The following TULP3 variants were observed in gnomAD, a reference collection of about 807,000 sequenced individuals.
TULP3 encodes tubby-related protein 3.
TULP3 carries 38 observed loss-of-function variants against 50.7 expected under a neutral mutation model. That is an observed-to-expected ratio of 0.75 (90% CI 0.58 to 0.98). The LOEUF is 0.98. Among genes scored for constraint, TULP3 ranks in the 50% least tolerant of loss-of-function variants. The pLI is 0.00. For synonymous variants in TULP3, 183 were observed against 196.6 expected (o/e 0.93, Z 0.58); for missense variants, 550 against 568.0 (o/e 0.97, Z 0.32).
At chr12:2,934,113 CA>C (rs1234790843) in intron 7 of TULP3, among the ~76,000 whole-genome samples, 1 of 151,808 alleles carries the variant, frequency 6.6e-6, no homozygotes, top group Non-Finnish European at 1.5e-5. Context: ...CCAGGCGTGG[CA>C]GTTCTCACCT....
In TULP3 at chr12:2,939,371, A is replaced by G. The variant is rs759044001; in HGVS notation, c.1256A>G (p.Asn419Ser). 15 of 1,614,114 alleles carry G rather than the reference A, an allele frequency of 9.3e-6. No homozygotes were observed. Among genetic ancestry groups the G allele is most frequent in the Admixed American group, 3.3e-5 (2 of 60,002 alleles). The change falls in exon 11 of 11, where the codon AAC (asparagine) becomes AGC (serine). Residue 419 changes from asparagine to serine, a missense_variant. Asn to Ser is a conservative substitution (Grantham distance 46, BLOSUM62 1). Transcript: ENST00000448120. The surrounding 1 kb of genome is among the most constrained non-coding windows in gnomAD (Gnocchi z 4.0). ...GATGACGTGTTCACACTGGATTACA[A>G]CTACCCACTTTGTGCAGTACAGGCC... is the stretch of plus-strand genomic sequence containing the variant. ...VADDVFTLDY[N>S]YPLCAVQAFG...
chr12:2,917,576 C>T (rs954239833), intron 2 of TULP3, among the ~76,000 whole-genome samples: 6 of 151,978 alleles, frequency 3.9e-5, no homozygotes, highest in African/African-American at 1.4e-4. Context: ...AACTCCTTTT[C>T]TATAGAAAAT....
rs757338121 is a variant in TULP3 at position 2,933,467 on chromosome 12, ACCT to A, written c.747_749del (p.Leu250del). 1.1e-5 allele frequency: 17 copies of A among 1,613,874 alleles called. No homozygotes were observed. In the South Asian group the frequency reaches 1.8e-4, roughly 17 times the overall value. On this transcript the variant is annotated inframe_deletion, in exon 7 of 11. Coordinates refer to ENST00000448120, the MANE Select transcript of TULP3 (RefSeq NM_003324.5). ...CGGAAAAAGAGCAAAACAGCCAACT[ACCT>A]TATCTCCATTGATCCAGTTGATTTA... is the stretch of plus-strand genomic sequence containing the variant.
At chr12:2,911,356 ATTT>A (rs879759940) in intron 2 of TULP3, among the ~76,000 whole-genome samples, 1 of 144,230 alleles carries the variant, frequency 6.9e-6, no homozygotes, top group African/African-American at 2.5e-5. Flanking sequence ...TAGTCAGTGA[ATTT>A]TTTTTTTTTT....
intron 1 of TULP3, among the ~76,000 whole-genome samples, chr12:2,905,039 C>G (rs1192878131): frequency 6.2e-5 from 9 of 146,124 alleles, no homozygotes; most frequent in Non-Finnish European, 1.2e-4. Context: ...GAGCTGAGAT[C>G]GTGCCACTGC....
Position 2,940,688 on chromosome 12 carries a change from C to T in TULP3, c.*1244C>T, listed in dbSNP as rs2098204275. ...CCTTCTGTGGACTGACCTCTCACCT[C>T]CGCCTGTTGTTCCTGCACCACATCA... On this transcript the variant is annotated 3_prime_UTR_variant, in exon 11 of 11. Coordinates refer to ENST00000448120, the MANE Select transcript of TULP3 (RefSeq NM_003324.5). 1 of 1,551,638 alleles carries T rather than the reference C, an allele frequency of 6.4e-7. No homozygotes were observed. The highest frequency in any genetic ancestry group is 1.4e-5 in the African/African-American group (1 of 73,182).
chr12:2,902,772 T>C (rs570825370), intron 1 of TULP3, among the ~76,000 whole-genome samples: 2 of 152,294 alleles, frequency 1.3e-5, no homozygotes, highest in South Asian at 4.1e-4. Flanking sequence ...CTGTTACTTA[T>C]CTTTAGCAAA....
At chr12:2,924,019 T>A (rs2098193313) in intron 4 of TULP3, among the ~76,000 whole-genome samples, 1 of 152,106 alleles carries the variant, frequency 6.6e-6, no homozygotes, top group African/African-American at 2.4e-5. Flanking sequence ...GAAAATATGT[T>A]TGAGTACATA....
chr12:2,892,541 C>G (rs1441841079), intron 1 of TULP3, among the ~76,000 whole-genome samples: 1 of 151,732 alleles, frequency 6.6e-6, no homozygotes, highest in Non-Finnish European at 1.5e-5. Flanking sequence ...GAGACGGAGT[C>G]TCTCTCTGTC....
At chr12:2,926,757 A>T (rs1200278004) in intron 4 of TULP3, among the ~76,000 whole-genome samples, 1 of 116,108 alleles carries the variant, frequency 8.6e-6, no homozygotes, top group Non-Finnish European at 1.7e-5. Flanking sequence ...AAAAAAAAGT[A>T]GCCAGGTGTG....
At chr12:2,911,644 C>T (rs1234821296) in intron 2 of TULP3, among the ~76,000 whole-genome samples, 3 of 131,984 alleles carry the variant, frequency 2.3e-5, no homozygotes, top group Non-Finnish European at 3.1e-5. Context: ...GGATTACAGG[C>T]GTGAGCCACT....
At chr12:2,906,273 G>A (rs761192138) in intron 1 of TULP3, among the ~76,000 whole-genome samples, 1 of 148,700 alleles carries the variant, frequency 6.7e-6, no homozygotes, top group Non-Finnish European at 1.5e-5. Flanking sequence ...CTCGTGATCC[G>A]CTGGCCTCGG....
chr12:2,906,584 C>T (rs2098182391), intron 1 of TULP3, among the ~76,000 whole-genome samples: 1 of 151,670 alleles, frequency 6.6e-6, no homozygotes, highest in South Asian at 2.1e-4. Context: ...CCACCTTGGC[C>T]TCCCAAAGTT....
intron 2 of TULP3, among the ~76,000 whole-genome samples, chr12:2,918,888 A>G (rs1020232964): frequency 2.0e-5 from 3 of 149,084 alleles, no homozygotes; most frequent in Non-Finnish European, 4.4e-5. Flanking sequence ...TTGCTAGAAG[A>G]ATTTTTTTTT....
chr12:2,931,071 A>C lies in TULP3; in HGVS notation c.527A>C (p.Gln176Pro), dbSNP rs1351898877. 10 of 1,614,124 alleles carry C rather than the reference A, an allele frequency of 6.2e-6. No individual in the cohort carries two copies. The highest frequency in any genetic ancestry group is 8.5e-6 in the Non-Finnish European group (10 of 1,180,034). ...ACTTCCGGTTCTGCTACTGCCGCCC[A>C]ACCAGCTGATAACCTCCTGGGAGAC... Reference protein sequence around the residue: ...TGTSGSATAAQPADNLLGDID... With the variant: ...TGTSGSATAAPPADNLLGDID... The change falls in exon 6 of 11, where the codon CAA (glutamine) becomes CCA (proline). Residue 176 changes from glutamine to proline, a missense_variant. Physicochemically the swap from Gln to Pro is moderately conservative, Grantham distance 76. Transcript: ENST00000448120.
chr12:2,928,702 T>C (rs888872913), intron 4 of TULP3, among the ~76,000 whole-genome samples: 2 of 151,490 alleles, frequency 1.3e-5, no homozygotes, highest in Admixed American at 1.3e-4. Flanking sequence ...CAGCACTTTG[T>C]GAGGCCAAGG....
At chr12:2,922,113 C>G in intron 3 of TULP3, 149 bp from the exon 4 acceptor site, 1 of 988,932 alleles carries the variant, frequency 1.0e-6, no homozygotes, top group Non-Finnish European at 1.4e-6. Context: ...CTGACCTTCT[C>G]TCTTAACAAA....
chr12:2,900,438 A>G (rs1470013208), intron 1 of TULP3, among the ~76,000 whole-genome samples: 1 of 152,198 alleles, frequency 6.6e-6, no homozygotes, highest in Non-Finnish European at 1.5e-5. Context: ...AAATGTCCAA[A>G]AACTGAAAGG....
intron 1 of TULP3, among the ~76,000 whole-genome samples, chr12:2,903,135 T>TA (rs1179418548): frequency 1.3e-5 from 2 of 152,048 alleles, no homozygotes; most frequent in African/African-American, 4.8e-5. Context: ...GTTCTGGAAT[T>TA]ACAGGCATAA....
Sources: gnomAD v4.1 joint callset for allele counts (sites outside exome capture counted in the v4.1 genomes callset) on GRCh38, gnomAD v4.1.1 for gene constraint, Gnocchi (gnomAD v3.1) non-coding constraint, MANE v1.5 for transcripts, NCBI Gene and HGNC (gene_info 2026-07-23, HGNC 2026-07-21) for gene names.